Variants in SCFD2 observed in about 807,000 individuals in gnomAD.
SCFD2 encodes sec1 family domain-containing protein 2.
Under a neutral mutation model 58.9 loss-of-function variants are expected in SCFD2, and 54 were observed. That is an observed-to-expected ratio of 0.92 (90% CI 0.74 to 1.15). The LOEUF is 1.15. SCFD2 is among the 50% of genes most tolerant of loss of function. The probability of loss-of-function intolerance (pLI) is 0.00; values close to 1 mark genes in which losing one functional copy is unlikely to be tolerated. For missense variants in SCFD2, 805 were observed against 836.6 expected (o/e 0.96, Z 0.47); for synonymous variants, 321 against 335.9 (o/e 0.96, Z 0.49).
chr4:53,115,181 A>C (rs569217660), intron 5 of SCFD2, among the ~76,000 whole-genome samples: 49 of 152,260 alleles, frequency 3.2e-4, no homozygotes, highest in African/African-American at 1.2e-3. Flanking sequence ...CACAAAAGAC[A>C]GAGATTATAG....
intron 1 of SCFD2, among the ~76,000 whole-genome samples, chr4:53,354,155 C>T (rs367625324): frequency 1.3e-5 from 2 of 152,242 alleles, no homozygotes; most frequent in Non-Finnish European, 2.9e-5. Context: ...TGGGGAGGCT[C>T]GGGCCCCATA....
chr4:53,022,532 TG>T (rs1327450804), intron 5 of SCFD2, among the ~76,000 whole-genome samples: 1 of 152,162 alleles, frequency 6.6e-6, no homozygotes, highest in East Asian at 1.9e-4. Flanking sequence ...GGTCAGAAAA[TG>T]AAGGGAAAAT....
intron 5 of SCFD2, among the ~76,000 whole-genome samples, chr4:53,067,702 C>T (rs1054587391): frequency 6.6e-6 from 1 of 152,050 alleles, no homozygotes; most frequent in Non-Finnish European, 1.5e-5. Context: ...TGTAAGTTTC[C>T]TGAGACCTCC....
At chr4:52,986,348 T>C (rs1721493521) in intron 5 of SCFD2, among the ~76,000 whole-genome samples, 1 of 152,134 alleles carries the variant, frequency 6.6e-6, no homozygotes, top group Non-Finnish European at 1.5e-5. Flanking sequence ...TGGCTAATAA[T>C]GACGGTGCAA....
chr4:52,928,919 CAT>C (rs1560483853), intron 5 of SCFD2, among the ~76,000 whole-genome samples: 1 of 151,998 alleles, frequency 6.6e-6, no homozygotes, highest in Non-Finnish European at 1.5e-5. Flanking sequence ...AAAAAAATGA[CAT>C]AAAGCAGCAG....
At chr4:52,950,319 T>C (rs1359375130) in intron 5 of SCFD2, 2 of 152,116 alleles carry the variant, frequency 1.3e-5, no homozygotes, top group Non-Finnish European at 2.9e-5. Context: ...CGTTGGGAGT[T>C]GGGTGGTGTT....
intron 4 of SCFD2, among the ~76,000 whole-genome samples, chr4:53,238,057 C>A (rs1195211859): frequency 7.8e-6 from 1 of 127,762 alleles, no homozygotes; most frequent in Non-Finnish European, 1.7e-5. Context: ...GGGGGGCTGA[C>A]CCCCCCACCT....
At chr4:53,252,030 G>A (rs1730404952) in intron 4 of SCFD2, among the ~76,000 whole-genome samples, 1 of 152,132 alleles carries the variant, frequency 6.6e-6, no homozygotes, top group Admixed American at 6.5e-5. Context: ...GGCAACTTCA[G>A]CAAAGTCTCA....
At chr4:53,108,595 A>C (rs1465879481) in intron 5 of SCFD2, among the ~76,000 whole-genome samples, 1 of 152,086 alleles carries the variant, frequency 6.6e-6, no homozygotes, top group African/African-American at 2.4e-5. Context: ...ACACCTCTAC[A>C]CAAATAAACT....
chr4:52,873,890 T>C lies in SCFD2; in HGVS notation c.*79A>G, dbSNP rs1412794553. The C allele has an allele frequency of 1.0e-6, 1 of 974,836 alleles. No individual in the cohort carries two copies. Among genetic ancestry groups the C allele is most frequent in the Non-Finnish European group, 1.7e-6 (1 of 605,808 alleles). 60.4% of individuals were successfully genotyped at this position (974,836 alleles called of 1,614,324 possible). A position where few individuals can be genotyped will look rare whatever the true frequency, so the allele number is the denominator to read the frequency against. ...CAATTAGTGACAGGGACGCTGGTTG[T>C]GGAGGAGTATTTGGAGTGGTGGCAG... is the stretch of plus-strand genomic sequence containing the variant. On this transcript the variant is annotated 3_prime_UTR_variant, in exon 9 of 9. Transcript: ENST00000401642.
intron 5 of SCFD2, among the ~76,000 whole-genome samples, chr4:53,063,492 T>C (rs969876374): frequency 8.5e-5 from 13 of 152,096 alleles, no homozygotes; most frequent in African/African-American, 3.1e-4. Flanking sequence ...TTCACTTTCA[T>C]AAATTCATTT....
chr4:53,178,787 T>C (rs11938977), intron 4 of SCFD2, among the ~76,000 whole-genome samples: 13,647 of 152,054 alleles, frequency 0.09, 1,035 homozygotes, highest in South Asian at 0.21. Flanking sequence ...GAATAACCAA[T>C]GCAGAGAAGT....
At chr4:53,205,223 G>C (rs530242984) in intron 4 of SCFD2, among the ~76,000 whole-genome samples, 1 of 152,186 alleles carries the variant, frequency 6.6e-6, no homozygotes, top group African/African-American at 2.4e-5. Context: ...AGTCCAGACT[G>C]CACCAATGTC....
At chr4:53,281,319 G>T (rs1433653924) in intron 3 of SCFD2, among the ~76,000 whole-genome samples, 1 of 152,076 alleles carries the variant, frequency 6.6e-6, no homozygotes, top group Non-Finnish European at 1.5e-5. Context: ...TTTTGAATGG[G>T]CTCCTGCTGA....
intron 3 of SCFD2, among the ~76,000 whole-genome samples, chr4:53,279,591 T>C (rs1330477710): frequency 6.6e-6 from 1 of 152,234 alleles, no homozygotes; most frequent in Non-Finnish European, 1.5e-5. Context: ...TAATATTATG[T>C]CAATATAGTT....
chr4:53,362,500 T>G (rs1734574231), intron 1 of SCFD2, among the ~76,000 whole-genome samples: 2 of 152,242 alleles, frequency 1.3e-5, no homozygotes, highest in African/African-American at 4.8e-5. Context: ...TTTAACTATT[T>G]GCATGCTTTC....
chr4:53,110,364 A>G (rs1218222128), intron 5 of SCFD2, among the ~76,000 whole-genome samples: 1 of 152,222 alleles, frequency 6.6e-6, no homozygotes, highest in Non-Finnish European at 1.5e-5. Context: ...ACCAAAAGCA[A>G]TGGGAACAAA....
intron 4 of SCFD2, among the ~76,000 whole-genome samples, chr4:53,244,820 G>GA (rs57139765): frequency 0.24 from 29,023 of 118,604 alleles, 3,053 homozygotes; most frequent in East Asian, 0.4. Flanking sequence ...GGGTATTTCT[G>GA]AAAAAAAAAA....
chr4:53,204,587 T>A (rs906938013), intron 4 of SCFD2, among the ~76,000 whole-genome samples: 2 of 150,234 alleles, frequency 1.3e-5, no homozygotes, highest in Non-Finnish European at 3.0e-5. Context: ...TTTTGAATCT[T>A]CTCAAAAATA....
Sources: gnomAD v4.1 joint callset for allele counts (sites outside exome capture counted in the v4.1 genomes callset) on GRCh38, gnomAD v4.1.1 for gene constraint, MANE v1.5 for transcripts, NCBI Gene and HGNC (gene_info 2026-07-23, HGNC 2026-07-21) for gene names.